COBL: variants seen among roughly 807,000 people sequenced by gnomAD.
The protein encoded by COBL is cordon-bleu WH2 repeat protein.
COBL carries 51 observed loss-of-function variants against 98.8 expected under a neutral mutation model. That is an observed-to-expected ratio of 0.52 (90% CI 0.41 to 0.65). The LOEUF is 0.65. Among genes scored for constraint, COBL ranks in the 30% least tolerant of loss-of-function variants. The probability of loss-of-function intolerance (pLI) is 0.00; values close to 1 mark genes in which losing one functional copy is unlikely to be tolerated. For synonymous variants in COBL, 634 were observed against 651.7 expected (o/e 0.97, Z 0.41); for missense variants, 1,617 against 1,617.5 (o/e 1.00, Z 0.01).
intron 1 of COBL, among the ~76,000 whole-genome samples, chr7:51,287,935 A>G (rs543010593): frequency 6.6e-6 from 1 of 152,362 alleles, no homozygotes; most frequent in South Asian, 2.1e-4. Flanking sequence ...GTTATACCCT[A>G]CAATTCCATT....
At chr7:51,051,651 C>A (rs975112835) in intron 7 of COBL, among the ~76,000 whole-genome samples, 3 of 152,152 alleles carry the variant, frequency 2.0e-5, no homozygotes, top group Non-Finnish European at 4.4e-5. Context: ...AATTTCTTTG[C>A]CGCACGTGAA....
chr7:51,253,488 A>G (rs1796924452), intron 1 of COBL, among the ~76,000 whole-genome samples: 1 of 152,190 alleles, frequency 6.6e-6, no homozygotes, highest in Non-Finnish European at 1.5e-5. Flanking sequence ...CATTTCTCCA[A>G]GGATCCATGT....
chr7:51,089,763 C>T (rs145438535), intron 6 of COBL, among the ~76,000 whole-genome samples: 279 of 152,112 alleles, frequency 1.8e-3, no homozygotes, highest in Middle Eastern at 6.8e-3. Flanking sequence ...ATATACATAT[C>T]TATAGTGAAA....
intron 2 of COBL, among the ~76,000 whole-genome samples, chr7:51,211,638 C>T (rs1226613097): frequency 6.6e-6 from 1 of 152,192 alleles, no homozygotes; most frequent in Non-Finnish European, 1.5e-5. Flanking sequence ...TCAGCAAATA[C>T]CAAGATATTA....
At chr7:51,049,330 G>A (rs1262626688) in intron 7 of COBL, among the ~76,000 whole-genome samples, 1 of 152,164 alleles carries the variant, frequency 6.6e-6, no homozygotes, top group Non-Finnish European at 1.5e-5. Context: ...TGAGGGGTAT[G>A]TCTGTCTTTT....
At chr7:51,108,007 G>C (rs992974416) in intron 6 of COBL, among the ~76,000 whole-genome samples, 1 of 152,056 alleles carries the variant, frequency 6.6e-6, no homozygotes, top group South Asian at 2.1e-4. Context: ...GCAGAAACCT[G>C]GAGTATGTCT....
chr7:51,311,409 A>G (rs1584472515), intron 1 of COBL, among the ~76,000 whole-genome samples: 1 of 152,180 alleles, frequency 6.6e-6, no homozygotes, highest in African/African-American at 2.4e-5. Context: ...ACTGTTGGAA[A>G]CCCATTGTCT....
chr7:51,104,247 C>T (rs1796059473), intron 6 of COBL, among the ~76,000 whole-genome samples: 1 of 152,178 alleles, frequency 6.6e-6, no homozygotes, highest in South Asian at 2.1e-4. Flanking sequence ...AATTTTTAAA[C>T]CTACATTTTA....
intron 5 of COBL, among the ~76,000 whole-genome samples, chr7:51,152,220 G>A (rs1785632854): frequency 6.6e-6 from 1 of 152,242 alleles, no homozygotes; most frequent in Admixed American, 6.5e-5. Flanking sequence ...CAGCGCTCCA[G>A]AGACAGCTGT....
intron 6 of COBL, among the ~76,000 whole-genome samples, chr7:51,129,878 C>T (rs1044369482): frequency 1.4e-4 from 21 of 152,142 alleles, no homozygotes; most frequent in Admixed American, 1.3e-3. Flanking sequence ...TGTTTAGATA[C>T]CTGTTGCTCT....
At chr7:51,269,248 C>T (rs1249553150) in intron 1 of COBL, among the ~76,000 whole-genome samples, 1 of 152,176 alleles carries the variant, frequency 6.6e-6, no homozygotes, top group African/African-American at 2.4e-5. Flanking sequence ...CTTTTCCTCA[C>T]AATGGGAGGG....
chr7:51,028,564 C>G lies in COBL; in HGVS notation c.2532G>C (p.Val844=). 6.2e-7 allele frequency: 1 copy of G among 1,614,274 alleles called. No homozygotes were observed. Among genetic ancestry groups the G allele is most frequent in the Non-Finnish European group, 8.5e-7 (1 of 1,180,052 alleles). ...CTGTGGTGTGAGCTGCTGGCACCCT[C>G]ACGTGACCCATGCCCATGGTGGGGG... The part of the protein sequence containing the change: ...NQPPTMGMGH[V]RVPAAHTTEV... Residue 844 remains valine (V), a synonymous_variant, in exon 10 of 13, where the codon GTG becomes GTC. Transcript: ENST00000265136.
intron 5 of COBL, among the ~76,000 whole-genome samples, chr7:51,175,595 GCTCAGGAAA>G (rs1234722099): frequency 6.6e-6 from 1 of 152,168 alleles, no homozygotes; most frequent in Non-Finnish European, 1.5e-5. Flanking sequence ...GGTATCTCTT[GCTCAGGAAA>G]GAAACATTTA....
At chr7:51,187,435 T>C (rs1298446139) in intron 4 of COBL, among the ~76,000 whole-genome samples, 1 of 152,000 alleles carries the variant, frequency 6.6e-6, no homozygotes, top group Non-Finnish European at 1.5e-5. Flanking sequence ...AAATAGATGT[T>C]GGAATAAATG....
intron 1 of COBL, among the ~76,000 whole-genome samples, chr7:51,248,196 T>A (rs1796425537): frequency 6.6e-6 from 1 of 152,170 alleles, no homozygotes; most frequent in South Asian, 2.1e-4. Context: ...AAGAGTTTAA[T>A]ATAAAGAATT....
At chr7:51,267,144 A>G (rs1798292991) in intron 1 of COBL, among the ~76,000 whole-genome samples, 1 of 152,228 alleles carries the variant, frequency 6.6e-6, no homozygotes, top group Non-Finnish European at 1.5e-5. Flanking sequence ...TTGAACAAAA[A>G]TAAGTATCTC....
chr7:51,021,999 G>A (rs1254833026), intron 12 of COBL, among the ~76,000 whole-genome samples: 1 of 152,170 alleles, frequency 6.6e-6, no homozygotes, highest in African/African-American at 2.4e-5. Flanking sequence ...CAGAGGCCAG[G>A]AGGGCAGGTC....
chr7:51,151,326 C>A (rs960782961), intron 5 of COBL, among the ~76,000 whole-genome samples: 2 of 152,148 alleles, frequency 1.3e-5, no homozygotes, highest in African/African-American at 2.4e-5. Flanking sequence ...CTACAACCTG[C>A]GGCCTGGAAG....
intron 8 of COBL, among the ~76,000 whole-genome samples, chr7:51,037,082 T>C (rs940067219): frequency 6.6e-6 from 1 of 152,224 alleles, no homozygotes; most frequent in African/African-American, 2.4e-5. Flanking sequence ...CTCTCTCTTA[T>C]ATACACATAC....
Sources: gnomAD v4.1 joint callset for allele counts (sites outside exome capture counted in the v4.1 genomes callset) on GRCh38, gnomAD v4.1.1 for gene constraint, MANE v1.5 for transcripts, NCBI Gene and HGNC (gene_info 2026-07-23, HGNC 2026-07-21) for gene names.